Variants in CNKSR1 observed in about 807,000 individuals in gnomAD.
CNKSR1 encodes connector enhancer of kinase suppressor of Ras 1.
CNKSR1 carries 88 observed loss-of-function variants against 95.6 expected under a neutral mutation model. That is an observed-to-expected ratio of 0.92 (90% CI 0.78 to 1.10). CNKSR1 has a LOEUF of 1.10. Ranked by LOEUF, CNKSR1 falls within the 50% of genes least tolerant of loss-of-function variation. CNKSR1 has a pLI of 0.00. For synonymous variants in CNKSR1, 355 were observed against 369.7 expected (o/e 0.96, Z 0.46); for missense variants, 836 against 912.0 (o/e 0.92, Z 1.07).
rs1451285096 is a variant in CNKSR1, at chr1:26,183,770, G to A, written c.795G>A (p.Arg265=). The stretch of plus-strand genomic sequence containing the variant: ...AGAACATGGTGAGGGAACTGCTGCG[G>A]GAGCCAGCCGGACTCAGCTTAGTGC... ...PRKNMVRELL[R]EPAGLSLVLK... Residue 265 remains arginine (R), a synonymous_variant, in exon 9 of 21, where the codon CGG becomes CGA. Coordinates refer to ENST00000361530, the MANE Select transcript of CNKSR1 (RefSeq NM_006314.3). The A allele has an allele frequency of 6.2e-7, 1 of 1,613,678 alleles. No individual in the cohort carries two copies. The highest frequency in any genetic ancestry group is 8.5e-7 in the Non-Finnish European group (1 of 1,179,800).
rs2088584825 is a variant in CNKSR1, at chr1:26,177,740, C to T, written c.52+141C>T. 18 of 959,964 alleles carry T rather than the reference C, an allele frequency of 1.9e-5. 1 individual carries two copies. The South Asian group carries it at 2.6e-4, about 14-fold the overall frequency. 59.5% of individuals were successfully genotyped at this position (959,964 alleles called of 1,614,324 possible). Reference sequence around the variant, plus strand: ...CCTGTAATCCCAGCACTTTGGGAAGCCAAGGTGGGTGGGTCACCTGAGGTC... The same window carrying T: ...CCTGTAATCCCAGCACTTTGGGAAGTCAAGGTGGGTGGGTCACCTGAGGTC... On this transcript the variant is annotated intron_variant, in intron 1 of 20. Coordinates refer to ENST00000361530, the MANE Select transcript of CNKSR1 (RefSeq NM_006314.3).
At position 26,182,445 on chromosome 1, in the gene CNKSR1, G is replaced by A. The variant is rs748581281; in HGVS notation, c.520-35G>A. 46 of 1,613,796 alleles carry A rather than the reference G, an allele frequency of 2.9e-5. No homozygotes were observed. In the Middle Eastern group the frequency reaches 6.6e-4, roughly 23 times the overall value. On this transcript the variant is annotated intron_variant, in intron 5 of 20. Transcript: ENST00000361530. ...GAAGAGAGTGGGGGTAGGGGCGATC[G>A]GGCTCAGGCTACATAGCCCGCTCCC...
Position 26,187,096 on chromosome 1 carries a change from G to A in CNKSR1, c.1309-72G>A, listed in dbSNP as rs1314091075. The A allele has an allele frequency of 6.9e-6, 8 of 1,161,128 alleles. No individual in the cohort carries two copies. The East Asian group carries it at 1.4e-4, about 20-fold the overall frequency. The allele number at this position is 1,161,128 out of a possible 1,614,324, so 71.9% of individuals were successfully genotyped here. A position where few individuals can be genotyped will look rare whatever the true frequency, so the allele number is the denominator to read the frequency against. ...CTCCACAACTCTCAGGAGCCCGAGG[G>A]GTAACTAGGAGCTGACTGGGCCTTG... On this transcript the variant is annotated intron_variant, in intron 14 of 20. Transcript: ENST00000361530.
At position 26,189,264 on chromosome 1, in the gene CNKSR1, C is replaced by G. The variant is rs1314155286; in HGVS notation, c.1873-15C>G. ...CTGGGTGATCATGGTCCCTTAGCCC[C>G]TCCTCTCCACACAGGCAAAGCTGCA... On this transcript the variant is annotated splice_polypyrimidine_tract_variant and intron_variant, in intron 20 of 20. Transcript: ENST00000361530. 1 of 1,613,874 alleles carries G rather than the reference C, an allele frequency of 6.2e-7. No individual in the cohort carries two copies. The highest frequency in any genetic ancestry group is 1.3e-5 in the African/African-American group (1 of 74,936).
At chr1:26,183,531 A>T in intron 8 of CNKSR1, 117 bp downstream of exon 8, 1 of 1,181,790 alleles carries the variant, frequency 8.5e-7, no homozygotes, top group Middle Eastern at 1.9e-4. Flanking sequence ...GCCTTCCAGG[A>T]GATGAGCCAG....
At position 26,186,937 on chromosome 1, in the gene CNKSR1, C is replaced by G. The variant is rs1050284026; in HGVS notation, c.1309-231C>G. 1.3e-4 allele frequency: 54 copies of G among 402,842 alleles called. 1 individual carries two copies. The highest frequency in any genetic ancestry group is 7.1e-4 in the Middle Eastern group (1 of 1,408). The allele number at this position is 402,842 out of a possible 1,614,324, so 25.0% of individuals were successfully genotyped here. ...CTCTTTTTTTTTTTTTTGGCTGTTT[C>G]TCTGATATCTTTGGCTCCCCTTTCC... On this transcript the variant is annotated intron_variant, in intron 14 of 20. Transcript: ENST00000361530.
At chr1:26,183,975 C>T (rs753770854) in intron 9 of CNKSR1, 96 bp from the exon 10 acceptor site, 56 of 707,882 alleles carry the variant, frequency 7.9e-5, no homozygotes, top group South Asian at 2.4e-4. Context: ...CAGACCCCCC[C>T]ACAGGTACCT....
At chr1:26,187,378 C>G (rs2088773982) in intron 15 of CNKSR1, 33 bp from the exon 16 acceptor site, 1 of 1,613,298 alleles carries the variant, frequency 6.2e-7, no homozygotes, top group Non-Finnish European at 8.5e-7. Context: ...TGGGCACGCC[C>G]AGGCTGAGTG....
chr1:26,187,299 G>T (rs2088772975), intron 15 of CNKSR1, 58 bp downstream of exon 15: 1 of 1,590,794 alleles, frequency 6.3e-7, no homozygotes, highest in Non-Finnish European at 8.6e-7. Context: ...GAGGAAGGGT[G>T]ATGGGGTAGC....
In CNKSR1 at chr1:26,187,219, G is replaced by A. The variant is rs770174021; in HGVS notation, c.1360G>A (p.Gly454Arg). 1.1e-5 allele frequency: 18 copies of A among 1,613,912 alleles called. No individual in the cohort carries two copies. The highest frequency in any genetic ancestry group is 2.7e-5 in the African/African-American group (2 of 74,930). ...INVSNYSLES[G>R]HDQKKKYVFQ... ...TGTCTCCAACTATAGTCTGGAAAGT[G>A]GACATGATCAGAAGAAGAAATAGTT... The change falls in exon 15 of 21, where the codon GGA becomes AGA. Residue 454 changes from glycine to arginine, a missense_variant. Transcript: ENST00000361530.
chr1:26,189,739 T>C lies in CNKSR1; in HGVS notation c.*191T>C. 1.4e-6 allele frequency: 1 copy of C among 702,404 alleles called. No individual in the cohort carries two copies. Among genetic ancestry groups the C allele is most frequent in the Non-Finnish European group, 2.6e-6 (1 of 386,130 alleles). The allele number at this position is 702,404 out of a possible 1,614,324, so 43.5% of individuals were successfully genotyped here. ...CCCTCTCCCTTGCCAAAGAAGAAAC[T>C]CTCCCCCCAAATCCTCCAACCTCTG... On this transcript the variant is annotated 3_prime_UTR_variant, in exon 21 of 21. Coordinates refer to ENST00000361530, the MANE Select transcript of CNKSR1 (RefSeq NM_006314.3).
intron 15 of CNKSR1, 26 bp downstream of exon 15, chr1:26,187,267 G>A (rs561775110): frequency 6.2e-7 from 1 of 1,603,320 alleles, no homozygotes; most frequent in East Asian, 2.2e-5. Flanking sequence ...GTGATGGGCT[G>A]GGGGATGGAG....
chr1:26,183,589 A>G, intron 8 of CNKSR1, 140 bp from the exon 9 acceptor site: 1 of 1,002,156 alleles, frequency 1.0e-6, no homozygotes, highest in Non-Finnish European at 1.6e-6. Context: ...GATGGGGCCC[A>G]TGGAAGCCCC....
At chr1:26,186,250 G>T (rs1417985516) in intron 14 of CNKSR1, among the ~76,000 whole-genome samples, 1 of 152,208 alleles carries the variant, frequency 6.6e-6, no homozygotes, top group East Asian at 1.9e-4. Flanking sequence ...AAGCAGTTTG[G>T]TTTGTGTCTA....
chr1:26,182,136 C>A, intron 4 of CNKSR1, 195 bp downstream of exon 4: 3 of 724,956 alleles, frequency 4.1e-6, no homozygotes, highest in Middle Eastern at 3.8e-4. Context: ...TTTTGACACT[C>A]AGGACAGGGA....
At chr1:26,188,353 T>C (rs1359012947) in intron 17 of CNKSR1, 46 bp downstream of exon 17, 1 of 1,612,084 alleles carries the variant, frequency 6.2e-7, no homozygotes, top group Admixed American at 1.7e-5. Flanking sequence ...CACCTGAGCC[T>C]GTGCCTTTCC....
At position 26,185,157 on chromosome 1, in the gene CNKSR1, C is replaced by G; in HGVS notation, c.1279C>G (p.His427Asp). ...WRRRWFVLKG[H>D]TLYWYRQPQD... is the part of the protein sequence containing the mutation. ...CCGCCGCTGGTTTGTGCTCAAGGGA[C>G]ACACGCTCTACTGGTACCGCCAGCC... The change falls in exon 14 of 21, where the codon CAC becomes GAC. Residue 427 changes from histidine to aspartate, a missense_variant. Physicochemically the swap from His to Asp is moderately conservative, Grantham distance 81 (BLOSUM62 -1). Coordinates refer to ENST00000361530, the MANE Select transcript of CNKSR1 (RefSeq NM_006314.3). 1 of 1,565,168 alleles carries G rather than the reference C, an allele frequency of 6.4e-7. No individual in the cohort carries two copies. Among genetic ancestry groups the G allele is most frequent in the Non-Finnish European group, 8.7e-7 (1 of 1,155,002 alleles).
At chr1:26,185,689 G>A (rs2088738303) in intron 14 of CNKSR1, among the ~76,000 whole-genome samples, 2 of 151,896 alleles carry the variant, frequency 1.3e-5, no homozygotes, top group Non-Finnish European at 2.9e-5. Context: ...ACCACACCCG[G>A]CCCTGAAAAA....
rs764302858 is a variant in CNKSR1, at chr1:26,188,664, C to T, written c.1657C>T (p.Arg553Cys). Residue 553 changes from arginine (R) to cysteine (C), a missense_variant, in exon 19 of 21, where the codon CGC becomes TGC. Arg to Cys is a radical substitution (Grantham distance 180, BLOSUM62 -3). Coordinates refer to ENST00000361530, the MANE Select transcript of CNKSR1 (RefSeq NM_006314.3). ...DTSPAATPTQ[R>C]SPRTSFGSLT... ...ATCACCTGCAGCCACCCCCACACAGCGCAGCCCACGGACCTCCTTTGGCTC... is the reference window on the plus strand; with the variant it reads ...ATCACCTGCAGCCACCCCCACACAGTGCAGCCCACGGACCTCCTTTGGCTC... The T allele has an allele frequency of 1.2e-5, 20 of 1,613,764 alleles. No homozygotes were observed. Among genetic ancestry groups the T allele is most frequent in the Admixed American group, 1.0e-4 (6 of 60,008 alleles).
Sources: allele counts gnomAD v4.1 joint callset (sites outside exome capture counted in the v4.1 genomes callset), GRCh38; gene constraint gnomAD v4.1.1; transcripts MANE v1.5; gene names NCBI Gene and HGNC (gene_info 2026-07-23, HGNC 2026-07-21).